The following CEP83 variants were observed in gnomAD, a reference collection of about 807,000 sequenced individuals.
The protein encoded by CEP83 is centrosomal protein 83, also known as centrosomal protein of 83 kDa.
Under a neutral mutation model 101.9 loss-of-function variants are expected in CEP83, and 70 were observed. That is an observed-to-expected ratio of 0.69 (90% CI 0.57 to 0.84). The LOEUF is 0.84. Ranked by LOEUF, CEP83 falls within the 40% of genes least tolerant of loss-of-function variation. CEP83 has a pLI of 0.00. For missense variants in CEP83, 715 were observed against 787.2 expected, an observed-to-expected ratio of 0.91 and a Z score of 1.10; for synonymous variants, 264 against 267.9, an observed-to-expected ratio of 0.99 and a Z score of 0.14.
chr12:94,447,031 T>C lies in CEP83; in HGVS notation c.-154-11704A>G, dbSNP rs141653580. On this transcript the variant is annotated intron_variant, in intron 1 of 16. Coordinates refer to ENST00000397809, the MANE Select transcript of CEP83 (RefSeq NM_016122.3). Reference sequence around the variant, plus strand: ...AGAAATGACATGGAAAAAACAAATTTTTTTAAAGAAACACAAAAAACTCAC... The same window carrying C: ...AGAAATGACATGGAAAAAACAAATTCTTTTAAAGAAACACAAAAAACTCAC... 1.7e-3 allele frequency among the ~76,000 whole-genome samples: 260 copies of C among 152,276 alleles called. 2 individuals are homozygous for C. The East Asian group carries it at 0.026, about 15-fold the overall frequency.
intron 6 of CEP83, among the ~76,000 whole-genome samples, chr12:94,399,159 C>T (rs2063095461): frequency 6.6e-6 from 1 of 152,176 alleles, no homozygotes; most frequent in South Asian, 2.1e-4. Context: ...TTGTGACCTA[C>T]TCCCTGTTCT....
chr12:94,354,424 G>C (rs756403219), intron 11 of CEP83, among the ~76,000 whole-genome samples: 4 of 152,012 alleles, frequency 2.6e-5, no homozygotes, highest in African/African-American at 4.8e-5. Context: ...GACCTCAAGT[G>C]ATCTGCCCAC....
At chr12:94,374,219 T>G (rs2061424977) in intron 8 of CEP83, among the ~76,000 whole-genome samples, 1 of 152,100 alleles carries the variant, frequency 6.6e-6, no homozygotes, top group South Asian at 2.1e-4. Context: ...AGCACACAGG[T>G]GAGCTAGGGA....
intron 11 of CEP83, among the ~76,000 whole-genome samples, chr12:94,353,911 G>GA (rs201323720): frequency 2.5e-4 from 38 of 149,350 alleles, no homozygotes; most frequent in South Asian, 6.4e-4. Flanking sequence ...TTATATAATG[G>GA]AAAAAAAAAC....
intron 11 of CEP83, among the ~76,000 whole-genome samples, chr12:94,357,605 C>A (rs1389508108): frequency 6.6e-6 from 1 of 152,182 alleles, no homozygotes; most frequent in African/African-American, 2.4e-5. Context: ...CCTGCCACAG[C>A]AAGTAGTTCC....
intron 11 of CEP83, among the ~76,000 whole-genome samples, chr12:94,367,475 TTCA>T (rs904550092): frequency 8.0e-4 from 122 of 152,234 alleles, no homozygotes; most frequent in African/African-American, 2.8e-3. Context: ...TGTCAAAGTG[TTCA>T]TAAGTTCCAG....
chr12:94,422,387 C>T (rs556383915), intron 2 of CEP83, among the ~76,000 whole-genome samples: 10 of 152,260 alleles, frequency 6.6e-5, no homozygotes, highest in South Asian at 2.1e-4. Flanking sequence ...TTGATTTCCG[C>T]GACACTGAAT....
intron 11 of CEP83, among the ~76,000 whole-genome samples, chr12:94,359,573 G>A (rs897677556): frequency 7.9e-5 from 12 of 152,120 alleles, no homozygotes; most frequent in African/African-American, 2.9e-4. Context: ...TATCAAGACT[G>A]AACCAAACAG....
intron 7 of CEP83, among the ~76,000 whole-genome samples, chr12:94,377,574 C>T (rs2061616690): frequency 6.6e-6 from 1 of 152,050 alleles, no homozygotes; most frequent in African/African-American, 2.4e-5. Context: ...CAATGATAGC[C>T]AAGAAAGTTA....
intron 2 of CEP83, among the ~76,000 whole-genome samples, chr12:94,420,235 A>T (rs2064615574): frequency 6.6e-6 from 1 of 151,070 alleles, no homozygotes; most frequent in African/African-American, 2.4e-5. Flanking sequence ...TACTAAGGTT[A>T]AAAAAAAATA....
At chr12:94,454,882 G>A (rs987225547) in intron 1 of CEP83, among the ~76,000 whole-genome samples, 1 of 152,138 alleles carries the variant, frequency 6.6e-6, no homozygotes, top group African/African-American at 2.4e-5. Flanking sequence ...CCCACCGGGA[G>A]GAATGAACAA....
At chr12:94,305,403 A>C, downstream of CEP83, 1 of 641,208 alleles carries the variant, frequency 1.6e-6, no homozygotes, top group Non-Finnish European at 2.8e-6. Context: ...CACTTTGGGC[A>C]CTGTCTTTTT....
At chr12:94,306,985 C>T (rs762339469), downstream of CEP83, 1 of 152,186 alleles carries the variant, frequency 6.6e-6, no homozygotes, top group Non-Finnish European at 1.5e-5. Flanking sequence ...TGAAGGAGTT[C>T]ATAAGAGAAC....
chr12:94,366,401 T>C (rs2061029787), intron 11 of CEP83, among the ~76,000 whole-genome samples: 1 of 152,162 alleles, frequency 6.6e-6, no homozygotes, highest in South Asian at 2.1e-4. Flanking sequence ...AAATATTACA[T>C]GTAAGTTAAT....
intron 6 of CEP83, among the ~76,000 whole-genome samples, chr12:94,390,699 G>A (rs912067194): frequency 1.3e-5 from 2 of 152,160 alleles, no homozygotes; most frequent in Non-Finnish European, 1.5e-5. Context: ...GATGATGTTC[G>A]AACCCATCGC....
At chr12:94,303,689 C>T (rs933896667), downstream of CEP83, 185 of 1,113,922 alleles carry the variant, frequency 1.7e-4, no homozygotes, top group Non-Finnish European at 2.2e-4. Context: ...ATAAATTCCT[C>T]CATCTTTTTT....
rs57279316 is a variant in CEP83, at chr12:94,394,969, A to G, written c.549+5881T>C. On this transcript the variant is annotated intron_variant, in intron 6 of 16. Transcript: ENST00000397809. ...ATAGCAATCATTAAAAAGTCAGGAAACAACAGATGCTGGAGAGGATGTAGA... is the reference window on the plus strand; with the variant it reads ...ATAGCAATCATTAAAAAGTCAGGAAGCAACAGATGCTGGAGAGGATGTAGA... 8.0e-3 allele frequency among the ~76,000 whole-genome samples: 1,226 copies of G among 152,330 alleles called. 15 individuals are homozygous for G. The highest frequency in any genetic ancestry group is 0.028 in the African/African-American group (1,145 of 41,576).
chr12:94,457,168 G>A (rs1295032440), intron 1 of CEP83, among the ~76,000 whole-genome samples: 1 of 152,002 alleles, frequency 6.6e-6, no homozygotes, highest in Non-Finnish European at 1.5e-5. Flanking sequence ...AACCAATCTG[G>A]GCAGAGACAC....
chr12:94,267,636 C>T, the CEP83 span, among the ~76,000 whole-genome samples: 6 of 152,158 alleles, frequency 3.9e-5, no homozygotes, highest in East Asian at 1.9e-4. Context: ...ATTGTTAGTG[C>T]CTCTTATGGG....
Sources: gnomAD v4.1 joint callset for allele counts (sites outside exome capture counted in the v4.1 genomes callset) on GRCh38, gnomAD v4.1.1 for gene constraint, MANE v1.5 for transcripts, NCBI Gene and HGNC (gene_info 2026-07-23, HGNC 2026-07-21) for gene names.